RPUSD4: variants seen among roughly 807,000 people sequenced by gnomAD.
RPUSD4 encodes the protein pseudouridylate synthase RPUSD4, mitochondrial.
In RPUSD4, 37 loss-of-function variants were observed where a neutral mutation model predicts 35.4. That is an observed-to-expected ratio of 1.04 (90% CI 0.80 to 1.37). The LOEUF (loss-of-function observed/expected upper bound fraction) is 1.37, where lower values mean the gene tolerates loss of function less well. RPUSD4 is among the 40% of genes most tolerant of loss of function. The probability of loss-of-function intolerance (pLI) is 0.00; values close to 1 mark genes in which losing one functional copy is unlikely to be tolerated. For synonymous variants in RPUSD4, 210 were observed against 192.7 expected, an observed-to-expected ratio of 1.09 and a Z score of -0.74; for missense variants, 507 against 484.9, an observed-to-expected ratio of 1.05 and a Z score of -0.43.
At chr11:126,208,154 T>C (rs1290144347) in intron 3 of RPUSD4, among the ~76,000 whole-genome samples, 2 of 151,960 alleles carry the variant, frequency 1.3e-5, no homozygotes, top group African/African-American at 4.8e-5. Flanking sequence ...GCAATGTGAG[T>C]ACTATTAAAA....
At chr11:126,208,841 A>G (rs962680323) in intron 3 of RPUSD4, 1 of 152,320 alleles carries the variant, frequency 6.6e-6, no homozygotes, top group Non-Finnish European at 1.5e-5. Context: ...AACCAGAGGA[A>G]AAAAAACCAA....
chr11:126,202,397 T>C lies in RPUSD4; in HGVS notation c.*1021A>G, dbSNP rs533851078. On this transcript the variant is annotated 3_prime_UTR_variant, in exon 7 of 7. Coordinates refer to ENST00000298317, the MANE Select transcript of RPUSD4 (RefSeq NM_032795.3). ...CTTCCTGAGACCTAAGAACAGAAGATACGCTTCCACAACAGAGATTTTTGA... is the reference window on the plus strand; with the variant it reads ...CTTCCTGAGACCTAAGAACAGAAGACACGCTTCCACAACAGAGATTTTTGA... 3.9e-5 allele frequency: 6 copies of C among 152,358 alleles called. No individual in the cohort carries two copies. The highest frequency in any genetic ancestry group is 1.4e-4 in the African/African-American group (6 of 41,570). 9.4% of individuals were successfully genotyped at this position (152,358 alleles called of 1,614,324 possible). A position where few individuals can be genotyped will look rare whatever the true frequency, so the allele number is the denominator to read the frequency against.
rs765565344 is a variant in RPUSD4 at position 126,203,570 on chromosome 11, T to G, written c.982A>C (p.Ile328Leu). ...IPLHLHARQL[I>L]LPALGSGKEE... ...TTCCCGGACCCCAGGGCAGGCAGGA[T>G]CAGCTGCCGGGCGTGCAGGTGAAGG... is the stretch of plus-strand genomic sequence containing the variant. The change falls in exon 7 of 7, where the codon ATC becomes CTC. Residue 328 changes from isoleucine (I) to leucine (L), a missense_variant. Transcript: ENST00000298317. The G allele has an allele frequency of 6.2e-7, 1 of 1,614,154 alleles. No homozygotes were observed. Among genetic ancestry groups the G allele is most frequent in the East Asian group, 2.2e-5 (1 of 44,880 alleles).
intron 2 of RPUSD4, among the ~76,000 whole-genome samples, chr11:126,210,496 A>G (rs1591491401): frequency 7.2e-6 from 1 of 138,314 alleles, no homozygotes; most frequent in Non-Finnish European, 1.6e-5. Context: ...CTGGGGTTGT[A>G]TGTTACATAT....
At position 126,210,956 on chromosome 11, in the gene RPUSD4, G is replaced by T. The variant is rs200939674; in HGVS notation, c.289C>A (p.Arg97=). Residue 97 remains arginine, a synonymous_variant, in exon 2 of 7, where the codon CGA becomes AGA. Coordinates refer to ENST00000298317, the MANE Select transcript of RPUSD4 (RefSeq NM_032795.3). ...TTCTTGTCCTGGTGGAGAATTCCTC[G>T]GGTCAGTGCCTTAGCAAGCACGTTG... ...HPNVLAKALT[R]GILHQDKNLV... is the part of the protein sequence containing the mutation. The T allele has an allele frequency of 1.9e-5, 31 of 1,614,018 alleles. No individual in the cohort carries two copies. The African/African-American group carries it at 3.6e-4, about 19-fold the overall frequency.
intron 3 of RPUSD4, 89 bp from the exon 4 acceptor site, chr11:126,205,870 T>C: frequency 1.1e-6 from 1 of 927,878 alleles, no homozygotes; most frequent in Non-Finnish European, 1.6e-6. Context: ...CGCTGGACCT[T>C]CTGCACTAAC....
In RPUSD4 at chr11:126,210,880, T is replaced by C. The variant is rs778137372; in HGVS notation, c.355+10A>G. On this transcript the variant is annotated intron_variant, in intron 2 of 6. Transcript: ENST00000298317. ...TGCAGGTTCCTCCACCTTTCCCGCG[T>C]GGTCCTTACCATGCACAGGGAGACC... The C allele has an allele frequency of 1.9e-6, 3 of 1,610,902 alleles. No homozygotes were observed.
intron 3 of RPUSD4, 181 bp from the exon 4 acceptor site, chr11:126,205,962 T>G: frequency 2.1e-6 from 1 of 481,874 alleles, no homozygotes; most frequent in Non-Finnish European, 3.6e-6. Context: ...TTTCACAAGC[T>G]TATCTTTTTT....
intron 3 of RPUSD4, chr11:126,209,306 A>T (rs1949813127): frequency 3.8e-6 from 2 of 525,010 alleles, no homozygotes; most frequent in Admixed American, 3.5e-5. Context: ...TTGTATAATT[A>T]ATTTTTGATA....
chr11:126,211,483 G>T lies in RPUSD4; in HGVS notation c.156C>A (p.Ala52=), dbSNP rs554690715. 1 of 1,614,050 alleles carries T rather than the reference G, an allele frequency of 6.2e-7. No homozygotes were observed. Among genetic ancestry groups the T allele is most frequent in the African/African-American group, 1.3e-5 (1 of 75,046 alleles). ...TCTTTGTGTCTTGTTCCCGTTTCTG[G>T]GCTCGGAGCTTCTCCGCTAATCTCT... The part of the protein sequence containing the change: ...NAQRLAEKLR[A]QKREQDTKKE... The change falls in exon 1 of 7, where the codon GCC becomes GCA. Residue 52 remains alanine, a synonymous_variant. Transcript: ENST00000298317.
rs1005057375 is a variant in RPUSD4, at chr11:126,202,214, C to A, written c.*1204G>T. On this transcript the variant is annotated 3_prime_UTR_variant, in exon 7 of 7. Transcript: ENST00000298317. ...ATATAAAGACTGTCCCGGGGTGTAC[C>A]CCCCTAACTGTGCTGTCACTCCAAC... 3.9e-5 allele frequency: 6 copies of A among 152,174 alleles called. No individual in the cohort carries two copies. The highest frequency in any genetic ancestry group is 2.0e-4 in the Admixed American group (3 of 15,272). The allele number at this position is 152,174 out of a possible 1,614,324, so 9.4% of individuals were successfully genotyped here. A position where few individuals can be genotyped will look rare whatever the true frequency, so the allele number is the denominator to read the frequency against.
chr11:126,208,428 T>C (rs535341056), intron 3 of RPUSD4, among the ~76,000 whole-genome samples: 19 of 152,330 alleles, frequency 1.2e-4, no homozygotes, highest in African/African-American at 4.1e-4. Context: ...TATGCTTATA[T>C]ATGCTCGATA....
In RPUSD4 at chr11:126,204,255, T is replaced by A. The variant is rs1949744715; in HGVS notation, c.870A>T (p.Ser290=). Residue 290 remains serine, a synonymous_variant, in exon 6 of 7, where the codon TCA becomes TCT. Transcript: ENST00000298317. ...CCTGGGGGGCCAACCTATTCCAGTC[T>A]GAGTACTTGTGATCACCAAGGATTG... ...DCPILGDHKY[S]DWNRLAPQKL... is the part of the protein sequence containing the mutation. 6.2e-7 allele frequency: 1 copy of A among 1,613,602 alleles called. No homozygotes were observed. The highest frequency in any genetic ancestry group is 1.3e-5 in the African/African-American group (1 of 74,926).
At chr11:126,204,051 G>A (rs1385071343) in intron 6 of RPUSD4, among the ~76,000 whole-genome samples, 180 bp downstream of exon 6, 2 of 152,146 alleles carry the variant, frequency 1.3e-5, no homozygotes, top group Non-Finnish European at 2.9e-5. Context: ...AACAGATCCT[G>A]CAGTTCCACA....
chr11:126,202,716 G>A lies in RPUSD4; in HGVS notation c.*702C>T, dbSNP rs1432415114. 1 of 152,244 alleles carries A rather than the reference G, an allele frequency of 6.6e-6. No individual in the cohort carries two copies. Among genetic ancestry groups the A allele is most frequent in the African/African-American group, 2.4e-5 (1 of 41,466 alleles). The allele number at this position is 152,244 out of a possible 1,614,324, so 9.4% of individuals were successfully genotyped here. A position where few individuals can be genotyped will look rare whatever the true frequency, so the allele number is the denominator to read the frequency against. On this transcript the variant is annotated 3_prime_UTR_variant, in exon 7 of 7. Transcript: ENST00000298317. ...TTTCACATAAATATCTAGGTTTCCA[G>A]CTTCTCTGAAGAAATGAGAAAATCC...
intron 3 of RPUSD4, chr11:126,208,984 ATAAT>A (rs1454179245): frequency 6.6e-6 from 1 of 152,172 alleles, no homozygotes; most frequent in Admixed American, 6.5e-5. Flanking sequence ...TATTACTTGT[ATAAT>A]TAATTAATTT....
At chr11:126,207,438 T>C (rs1193030552) in intron 3 of RPUSD4, among the ~76,000 whole-genome samples, 9 of 152,254 alleles carry the variant, frequency 5.9e-5, no homozygotes, top group African/African-American at 2.2e-4. Context: ...GTCTCAATCA[T>C]ACATATTTTT....
Position 126,211,290 on chromosome 11 carries a change from C to G in RPUSD4, c.189+160G>C, listed in dbSNP as rs138507759. 1,011 of 947,954 alleles carry G rather than the reference C, an allele frequency of 1.1e-3. 7 individuals are homozygous for G. In the African/African-American group the frequency reaches 0.015, roughly 14 times the overall value. 58.7% of individuals were successfully genotyped at this position (947,954 alleles called of 1,614,324 possible). On this transcript the variant is annotated intron_variant, in intron 1 of 6. Transcript: ENST00000298317. ...ATCCAGCTCACGGGAAAACACCGTA[C>G]CCTTACTGACCCCTCCCCTCCGCCT...
rs765458933 is a variant in RPUSD4 at position 126,211,432 on chromosome 11, T to C, written c.189+18A>G. 6.9e-6 allele frequency: 11 copies of C among 1,602,516 alleles called. No homozygotes were observed. The Admixed American group carries it at 1.7e-4, about 25-fold the overall frequency. On this transcript the variant is annotated intron_variant, in intron 1 of 6. Coordinates refer to ENST00000298317, the MANE Select transcript of RPUSD4 (RefSeq NM_032795.3). ...TGAGCGCACTGCCTCTAGGGAGTTC[T>C]GGTCCCTTTGGACTCACCGGCTCCT... is the stretch of plus-strand genomic sequence containing the variant.
Sources: allele counts gnomAD v4.1 joint callset (sites outside exome capture counted in the v4.1 genomes callset), GRCh38; gene constraint gnomAD v4.1.1; transcripts MANE v1.5; gene names NCBI Gene and HGNC (gene_info 2026-07-23, HGNC 2026-07-21).